The following SLC2A14 variants were observed in gnomAD, a reference collection of about 807,000 sequenced individuals.
SLC2A14 encodes the protein solute carrier family 2, facilitated glucose transporter member 14.
SLC2A14 carries 13 observed loss-of-function variants against 43.0 expected under a neutral mutation model. That is an observed-to-expected ratio of 0.30 (90% CI 0.20 to 0.48). The LOEUF is 0.48. SLC2A14 is among the 20% of genes least tolerant of loss of function. SLC2A14 has a pLI of 0.99. For synonymous variants in SLC2A14, 190 were observed against 233.8 expected (o/e 0.81, Z 1.71); for missense variants, 428 against 620.4 (o/e 0.69, Z 3.29).
chr12:7,873,921 A>G (rs760656054), upstream of SLC2A14, among the ~76,000 whole-genome samples: 6 of 152,224 alleles, frequency 3.9e-5, no homozygotes, highest in Admixed American at 1.3e-4. Context: ...CCTTACCACG[A>G]CAGCATGGCC....
intron 2 of SLC2A14, among the ~76,000 whole-genome samples, chr12:7,837,638 C>CAAAAAAAAAAAAAA (rs557069415): frequency 0.012 from 639 of 52,874 alleles, 124 homozygotes; most frequent in East Asian, 0.096. Context: ...AACTTCGTCT[C>CAAAAAAAAAAAAAA]AAAAAAAAAA....
intron 2 of SLC2A14, among the ~76,000 whole-genome samples, chr12:7,851,663 T>C (rs1398230923): frequency 6.6e-6 from 1 of 152,198 alleles, no homozygotes; most frequent in East Asian, 1.9e-4. Flanking sequence ...GTGGTTAACA[T>C]AGAATTTGAA....
In SLC2A14 at chr12:7,816,395, C is replaced by T. The variant is rs1230045841; in HGVS notation, c.1275+1436G>A. Among the ~76,000 whole-genome samples, 5 of 45,704 alleles carry T rather than the reference C, an allele frequency of 1.1e-4. 2 individuals are homozygous for T. In the East Asian group the frequency reaches 3.3e-3, roughly 30 times the overall value. 30.0% of individuals were successfully genotyped at this position (45,704 alleles called of 152,430 possible). ...CTGGGATTACAGGCGTGAGCCACCG[C>T]GCCCGGCCATTTCTTGAATTTTTAG... is the stretch of plus-strand genomic sequence containing the variant. On this transcript the variant is annotated intron_variant, in intron 10 of 10. Coordinates refer to ENST00000431042, the MANE Select transcript of SLC2A14 (RefSeq NM_001286234.2).
intron 1 of SLC2A14, among the ~76,000 whole-genome samples, chr12:7,882,167 ACACT>A (rs767553175): frequency 1.4e-4 from 21 of 152,038 alleles, no homozygotes; most frequent in Non-Finnish European, 2.1e-4. Flanking sequence ...ATGAGCTGTA[ACACT>A]CACCGTGAAA....
intron 2 of SLC2A14, among the ~76,000 whole-genome samples, chr12:7,834,530 CT>C (rs71038782): frequency 0.68 from 76,639 of 112,930 alleles, 25,592 homozygotes; most frequent in Middle Eastern, 0.76. Context: ...TTCTCTCTCT[CT>C]TTTTTTTTTT....
At chr12:7,862,584 G>A (rs1051701599) in intron 2 of SLC2A14, among the ~76,000 whole-genome samples, 1 of 152,168 alleles carries the variant, frequency 6.6e-6, no homozygotes, top group African/African-American at 2.4e-5. Context: ...CATGGCGCGG[G>A]ACTGGCAGGC....
At chr12:7,843,641 A>G (rs2120879649) in intron 2 of SLC2A14, among the ~76,000 whole-genome samples, 1 of 140,628 alleles carries the variant, frequency 7.1e-6, no homozygotes, top group East Asian at 2.1e-4. Flanking sequence ...AAGAAACAGC[A>G]ACACGAAACG....
upstream of SLC2A14, among the ~76,000 whole-genome samples, chr12:7,876,361 A>T (rs1945465173): frequency 6.6e-6 from 1 of 151,514 alleles, no homozygotes; most frequent in African/African-American, 2.4e-5. Flanking sequence ...CAGCAAGAGT[A>T]CAGTCACCTG....
chr12:7,879,694 A>G (rs1397186837), intron 1 of SLC2A14, among the ~76,000 whole-genome samples: 3 of 151,522 alleles, frequency 2.0e-5, no homozygotes, highest in Non-Finnish European at 4.4e-5. Context: ...CAAAAAATAA[A>G]TAAAAAAAAT....
At chr12:7,848,718 G>A (rs142210122) in intron 2 of SLC2A14, among the ~76,000 whole-genome samples, 18 of 152,038 alleles carry the variant, frequency 1.2e-4, no homozygotes, top group Middle Eastern at 3.4e-3. Context: ...ACCATGCCCG[G>A]CTAATTTTTG....
chr12:7,889,326 C>T (rs1413369846), intron 1 of SLC2A14, among the ~76,000 whole-genome samples: 4 of 150,462 alleles, frequency 2.7e-5, no homozygotes, highest in East Asian at 3.9e-4. Flanking sequence ...CTCTGCCTCC[C>T]GGATTCAAGC....
intron 10 of SLC2A14, among the ~76,000 whole-genome samples, chr12:7,816,829 T>A (rs916337305): frequency 2.6e-5 from 4 of 151,934 alleles, no homozygotes; most frequent in Non-Finnish European, 5.9e-5. Context: ...TGCCTCAGCC[T>A]CCCGAGTAGC....
chr12:7,841,982 G>A (rs1865989880), intron 2 of SLC2A14, among the ~76,000 whole-genome samples: 1 of 151,070 alleles, frequency 6.6e-6, no homozygotes, highest in Admixed American at 6.6e-5. Context: ...TCCAGCCTGG[G>A]CAACAAGAGC....
chr12:7,859,075 T>A, intron 2 of SLC2A14, among the ~76,000 whole-genome samples: 1 of 152,100 alleles, frequency 6.6e-6, no homozygotes, highest in East Asian at 1.9e-4. Context: ...CATTGAATAA[T>A]CTTGGCACCC....
intron 2 of SLC2A14, among the ~76,000 whole-genome samples, chr12:7,854,164 C>T (rs969713508): frequency 1.5e-4 from 23 of 152,114 alleles, no homozygotes; most frequent in African/African-American, 5.3e-4. Flanking sequence ...TCAAATTAAG[C>T]ATAGCCAAAG....
rs969833642 is a variant in SLC2A14 at position 7,848,164 on chromosome 12, T to C, written c.19-15350A>G. ...ATCTGCCTCCCTGAGTCATTTCTAT[T>C]TCCAAGGAATGAAGCAGTGGGAGGT... On this transcript the variant is annotated intron_variant, in intron 2 of 10. Coordinates refer to ENST00000431042, the MANE Select transcript of SLC2A14 (RefSeq NM_001286234.2). Among the ~76,000 whole-genome samples, 12 of 152,226 alleles carry C rather than the reference T, an allele frequency of 7.9e-5. 1 individual carries two copies. The highest frequency in any genetic ancestry group is 2.0e-4 in the Admixed American group (3 of 15,284).
chr12:7,851,743 T>C (rs1866955711), intron 2 of SLC2A14, among the ~76,000 whole-genome samples: 1 of 152,188 alleles, frequency 6.6e-6, no homozygotes, highest in African/African-American at 2.4e-5. Flanking sequence ...TTTTCTCCCC[T>C]TTCATCTTTT....
chr12:7,888,797 C>CAAAAA lies in SLC2A14; in HGVS notation c.132+2194_132+2198dup, dbSNP rs138233883. ...TGGGCAACAGAGCAAGACTCCGTCT[C>CAAAAA]AAAAAAAAAAAAAAAAAAGAAAAAA... On this transcript the variant is annotated intron_variant, in intron 1 of 9. Coordinates refer to the SLC2A14 transcript ENST00000539924. 3.1e-4 allele frequency among the ~76,000 whole-genome samples: 32 copies of CAAAAA among 104,196 alleles called. 1 individual carries two copies. The highest frequency in any genetic ancestry group is 3.5e-4 in the Admixed American group (3 of 8,618). 68.4% of individuals were successfully genotyped at this position (104,196 alleles called of 152,430 possible). A position where few individuals can be genotyped will look rare whatever the true frequency, so the allele number is the denominator to read the frequency against.
At chr12:7,816,303 A>T (rs779573102) in intron 10 of SLC2A14, among the ~76,000 whole-genome samples, 1 of 63,632 alleles carries the variant, frequency 1.6e-5, no homozygotes, top group African/African-American at 6.7e-5. Context: ...ACGGGGTTTC[A>T]CCTTGTTAGC....
Sources: gnomAD v4.1 joint callset for allele counts (sites outside exome capture counted in the v4.1 genomes callset) on GRCh38, gnomAD v4.1.1 for gene constraint, MANE v1.5 for transcripts, NCBI Gene and HGNC (gene_info 2026-07-23, HGNC 2026-07-21) for gene names.